Variants in UNC13A observed in about 807,000 individuals in gnomAD.
UNC13A encodes protein unc-13 homolog A.
UNC13A carries 61 observed loss-of-function variants against 219.7 expected under a neutral mutation model. That is an observed-to-expected ratio of 0.28 (90% CI 0.23 to 0.34). The LOEUF (loss-of-function observed/expected upper bound fraction) is 0.34. Among genes scored for constraint, UNC13A ranks in the 10% least tolerant of loss-of-function variants. The pLI, the probability that UNC13A is intolerant of heterozygous loss-of-function variation, is 1.00. For synonymous variants in UNC13A, 920 were observed against 884.6 expected (o/e 1.04, Z -0.71); for missense variants, 1,476 against 2,270.3 (o/e 0.65, Z 7.11).
At position 17,606,127 on chromosome 19, in the gene UNC13A, A is replaced by G. The variant is rs1370370697; in HGVS notation, c.5039T>C (p.Val1680Ala). The G allele has an allele frequency of 5.6e-6, 9 of 1,594,724 alleles. No homozygotes were observed. Among genetic ancestry groups the G allele is most frequent in the African/African-American group, 2.7e-5 (2 of 72,852 alleles). The change falls in exon 44 of 44, where the codon GTG (valine) becomes GCG (alanine). Residue 1680 changes from valine (V) to alanine (A), a missense_variant. This residue lies in a region of UNC13A where 187 missense variants were observed against 172.3 expected (regional missense o/e 1.09). Transcript: ENST00000519716. ...CTTGAGCTTCACGAACTCCTTGGCC[A>G]CCTCGTCGTTGCTGCGCTGCGAGAG... ...RILSQRSNDE[V>A]AKEFVKLKSD...
chr19:17,645,006 A>ATT (rs775953880), intron 19 of UNC13A, among the ~76,000 whole-genome samples: 1 of 99,310 alleles, frequency 1.0e-5, no homozygotes, highest in East Asian at 3.4e-4. Flanking sequence ...CCCAGCCTGG[A>ATT]TTCTTTTTTT....
At chr19:17,612,619 A>T (rs1237719765) in intron 41 of UNC13A, among the ~76,000 whole-genome samples, 1 of 152,046 alleles carries the variant, frequency 6.6e-6, no homozygotes, top group Non-Finnish European at 1.5e-5. Context: ...AGGGTGAGGC[A>T]AACTCACTTG....
intron 11 of UNC13A, among the ~76,000 whole-genome samples, chr19:17,654,521 C>T (rs1029644629): frequency 6.6e-6 from 1 of 152,118 alleles, no homozygotes; most frequent in African/African-American, 2.4e-5. Context: ...CCTGCCAATC[C>T]CACTGCAGTT....
At chr19:17,633,644 T>C (rs1431155538) in intron 26 of UNC13A, among the ~76,000 whole-genome samples, 1 of 152,092 alleles carries the variant, frequency 6.6e-6, no homozygotes, top group Non-Finnish European at 1.5e-5. Context: ...TATCTATTCA[T>C]CCATCCACCC....
At chr19:17,626,538 A>G in intron 34 of UNC13A, 95 bp downstream of exon 34, 2 of 1,352,960 alleles carry the variant, frequency 1.5e-6, no homozygotes, top group Non-Finnish European at 1.9e-6. Context: ...CACCCAGCAA[A>G]CATTCCCTGC....
chr19:17,631,739 T>C (rs73526011), intron 28 of UNC13A, among the ~76,000 whole-genome samples: 26,867 of 152,084 alleles, frequency 0.18, 2,677 homozygotes, highest in African/African-American at 0.27. Context: ...TCATTCATTT[T>C]ATTTTTATAT....
rs139897327 is a variant in UNC13A at position 17,687,805 on chromosome 19, G to T, written c.22+373C>A. 1.6e-3 allele frequency among the ~76,000 whole-genome samples: 247 copies of T among 151,980 alleles called. 1 individual carries two copies. The highest frequency in any genetic ancestry group is 5.8e-3 in the African/African-American group (239 of 41,450). On this transcript the variant is annotated intron_variant, in intron 1 of 43. Transcript: ENST00000519716. ...AGACCCCTTCCAAGCACCCCTGCAG[G>T]CTTCAATCAAACTACCGAGCCCAGA...
At chr19:17,687,902 C>A (rs1471275287) in intron 1 of UNC13A, among the ~76,000 whole-genome samples, 4 of 151,988 alleles carry the variant, frequency 2.6e-5, no homozygotes, top group African/African-American at 9.7e-5. Context: ...CGGGTAGAAC[C>A]CCGGATACCC....
chr19:17,672,232 A>G (rs1715951667), intron 4 of UNC13A, 146 bp downstream of exon 4: 1 of 686,686 alleles, frequency 1.5e-6, no homozygotes, highest in Admixed American at 2.6e-5. Flanking sequence ...GGCTCTAGTG[A>G]CTTTGGAAGG....
chr19:17,681,517 C>G (rs2080017771), intron 1 of UNC13A, among the ~76,000 whole-genome samples: 1 of 152,138 alleles, frequency 6.6e-6, no homozygotes, highest in South Asian at 2.1e-4. Context: ...CCTCCGTTGA[C>G]ACAAATAGAC....
intron 7 of UNC13A, among the ~76,000 whole-genome samples, chr19:17,666,170 T>C (rs1337791864): frequency 3.5e-5 from 5 of 141,334 alleles, no homozygotes; most frequent in Admixed American, 2.1e-4. Context: ...TTCCTTCCTT[T>C]CTTTCTTTCT....
At chr19:17,607,095 A>G (rs2076539809) in intron 43 of UNC13A, among the ~76,000 whole-genome samples, 1 of 151,896 alleles carries the variant, frequency 6.6e-6, no homozygotes, top group Admixed American at 6.6e-5. Flanking sequence ...CCTCCTGAGT[A>G]TCCCCTAAAG....
chr19:17,617,968 CT>C, intron 40 of UNC13A, 119 bp from the exon 41 acceptor site: 1 of 1,364,560 alleles, frequency 7.3e-7, no homozygotes, highest in Non-Finnish European at 9.9e-7. Context: ...TCACCTCTTC[CT>C]TTGCTTTGCC....
intron 27 of UNC13A, 60 bp from the exon 28 acceptor site, chr19:17,632,968 G>A: frequency 6.2e-7 from 1 of 1,612,054 alleles, no homozygotes. Flanking sequence ...TGTCTCGGCA[G>A]AGAGGCTGCC....
chr19:17,609,399 A>C (rs2076577658), intron 43 of UNC13A, among the ~76,000 whole-genome samples: 1 of 150,210 alleles, frequency 6.7e-6, no homozygotes, highest in Non-Finnish European at 1.5e-5. Context: ...CCCACGTGAC[A>C]CCCACCCCCA....
At chr19:17,611,672 A>G (rs2076605081) in intron 42 of UNC13A, 91 bp downstream of exon 42, 1 of 1,217,186 alleles carries the variant, frequency 8.2e-7, no homozygotes, top group Non-Finnish European at 1.2e-6. Flanking sequence ...CCATTAAACA[A>G]CAACAACAAA....
rs1460913889 is a variant in UNC13A, at chr19:17,605,323, CTATGA to C, written c.*726_*730del. The C allele has an allele frequency of 2.0e-5, 3 of 152,824 alleles. No individual in the cohort carries two copies. Among genetic ancestry groups the C allele is most frequent in the South Asian group, 4.1e-4 (2 of 4,824 alleles). 9.5% of individuals were successfully genotyped at this position (152,824 alleles called of 1,614,324 possible). ...ATCTGTCAAATGGGTGTGTTGAACTCTATGATATGAGGACTGGGTTTGTTGGGGGA... is the reference window on the plus strand; with the variant it reads ...ATCTGTCAAATGGGTGTGTTGAACTCTATGAGGACTGGGTTTGTTGGGGGA... On this transcript the variant is annotated 3_prime_UTR_variant, in exon 44 of 44. Transcript: ENST00000519716.
intron 35 of UNC13A, 117 bp downstream of exon 35, chr19:17,624,712 G>T: frequency 7.1e-7 from 1 of 1,402,276 alleles, no homozygotes; most frequent in South Asian, 1.5e-5. Context: ...GAGCCTGGAT[G>T]ACCTCTCTGA....
chr19:17,674,879 C>A lies in UNC13A; in HGVS notation c.53-123G>T. 7 of 747,420 alleles carry A rather than the reference C, an allele frequency of 9.4e-6. No individual in the cohort carries two copies. In the South Asian group the frequency reaches 1.2e-4, roughly 13 times the overall value. 46.3% of individuals were successfully genotyped at this position (747,420 alleles called of 1,614,324 possible). On this transcript the variant is annotated intron_variant, in intron 2 of 43. Coordinates refer to ENST00000519716, the MANE Select transcript of UNC13A (RefSeq NM_001080421.3). This position sits in a 1 kb window ranked among gnomAD's most constrained non-coding sequence, Gnocchi z 5.0. ...TCTGGGCCACTCACCCCCTAACCCA[C>A]AACCCCACCCTCAGGGCACAAGGGA...
Sources: gnomAD v4.1 joint callset for allele counts (sites outside exome capture counted in the v4.1 genomes callset) on GRCh38, gnomAD v4.1.1 for gene constraint, gnomAD v4.1.1 regional missense constraint, Gnocchi (gnomAD v3.1) non-coding constraint, MANE v1.5 for transcripts, NCBI Gene and HGNC (gene_info 2026-07-23, HGNC 2026-07-21) for gene names.